Variants in RNF24 observed in about 807,000 individuals in gnomAD.
RNF24 encodes ring finger protein 24.
A neutral mutation model predicts 20.0 loss-of-function variants in RNF24; 14 were observed. The ratio of observed to expected loss-of-function variants is 0.70; its 90% CI spans 0.46 to 1.10. The LOEUF (loss-of-function observed/expected upper bound fraction) is 1.10. Among genes scored for constraint, RNF24 ranks in the 50% least tolerant of loss-of-function variants. The pLI, the probability that RNF24 is intolerant of heterozygous loss-of-function variation, is 0.00. For missense variants in RNF24, 124 were observed against 177.6 expected, an observed-to-expected ratio of 0.70 and a Z score of 1.71; for synonymous variants, 45 against 61.1, an observed-to-expected ratio of 0.74 and a Z score of 1.23.
chr20:3,930,142 T>C lies in RNF24; in HGVS notation c.*3921A>G, dbSNP rs1435365929. 1 of 152,228 alleles carries C rather than the reference T, an allele frequency of 6.6e-6. No homozygotes were observed. The highest frequency in any genetic ancestry group is 1.5e-5 in the Non-Finnish European group (1 of 68,044). 9.4% of individuals were successfully genotyped at this position (152,228 alleles called of 1,614,324 possible). On this transcript the variant is annotated 3_prime_UTR_variant, in exon 6 of 6. Coordinates refer to ENST00000358395, the MANE Select transcript of RNF24 (RefSeq NM_001134337.3). ...AGTGAGGAGCGGAGCTTGCTAGGCA[T>C]CAGGAACTCAAGAAAGGCTTTTAAC...
intron 4 of RNF24, among the ~76,000 whole-genome samples, chr20:3,935,986 T>G (rs2090886688): frequency 6.6e-6 from 1 of 152,238 alleles, no homozygotes; most frequent in African/African-American, 2.4e-5. Context: ...GGATCCTGGT[T>G]CAGGCCATCA....
At chr20:3,985,134 A>G (rs1266783253) in intron 1 of RNF24, among the ~76,000 whole-genome samples, 2 of 152,184 alleles carry the variant, frequency 1.3e-5, no homozygotes, top group Non-Finnish European at 2.9e-5. Context: ...GGATCTTTCC[A>G]TTTAGCCTTA....
At chr20:4,005,513 G>A (rs1055001303) in intron 1 of RNF24, among the ~76,000 whole-genome samples, 2 of 152,122 alleles carry the variant, frequency 1.3e-5, no homozygotes, top group African/African-American at 4.8e-5. Context: ...ATGAATGAAA[G>A]CCTACACCTT....
rs1430338504 is a variant in RNF24 at position 4,007,837 on chromosome 20, GC to G, written c.-8+7599del. 3.3e-5 allele frequency among the ~76,000 whole-genome samples: 5 copies of G among 151,754 alleles called. No homozygotes were observed. In the South Asian group the frequency reaches 1.0e-3, roughly 32 times the overall value. On this transcript the variant is annotated intron_variant, in intron 1 of 5. Coordinates refer to ENST00000358395, the MANE Select transcript of RNF24 (RefSeq NM_001134337.3). ...AGGTTGAGGTGGGAGGATTGTTTGA[GC>G]CCTGGAGGTTAAGGCTGCAGTGAGT...
intron 1 of RNF24, among the ~76,000 whole-genome samples, chr20:3,977,867 A>AAG (rs1328792171): frequency 6.6e-6 from 1 of 150,890 alleles, no homozygotes; most frequent in African/African-American, 2.4e-5. Context: ...CCGTCTCAAA[A>AAG]AAAAAAAAAA....
At position 3,932,893 on chromosome 20, in the gene RNF24, TAA is replaced by T; in HGVS notation, c.*1168_*1169del. The T allele has an allele frequency of 2.5e-6, 1 of 398,600 alleles. No homozygotes were observed. The highest frequency in any genetic ancestry group is 4.4e-6 in the Non-Finnish European group (1 of 226,064). 24.7% of individuals were successfully genotyped at this position (398,600 alleles called of 1,614,324 possible). A position where few individuals can be genotyped will look rare whatever the true frequency, so the allele number is the denominator to read the frequency against. On this transcript the variant is annotated 3_prime_UTR_variant, in exon 6 of 6. Coordinates refer to ENST00000358395, the MANE Select transcript of RNF24 (RefSeq NM_001134337.3). Reference sequence around the variant, plus strand: ...AAGAGCAGCATGCGTTTCTCTCCTATAAAGACACTTTCACTTTCAGTTTCGGA... The same window carrying T: ...AAGAGCAGCATGCGTTTCTCTCCTATAGACACTTTCACTTTCAGTTTCGGA...
Position 3,933,982 on chromosome 20 carries a change from G to A in RNF24, c.*81C>T. 7.7e-7 allele frequency: 1 copy of A among 1,297,310 alleles called. No homozygotes were observed. Among genetic ancestry groups the A allele is most frequent in the Non-Finnish European group, 1.0e-6 (1 of 992,968 alleles). The allele number at this position is 1,297,310 out of a possible 1,614,324, so 80.4% of individuals were successfully genotyped here. A position where few individuals can be genotyped will look rare whatever the true frequency, so the allele number is the denominator to read the frequency against. Reference sequence around the variant, plus strand: ...TGGCAGCTGGTGTCCTAGGTAGAGAGCAGCCATACAGACACCACATGTGTT... The same window carrying A: ...TGGCAGCTGGTGTCCTAGGTAGAGAACAGCCATACAGACACCACATGTGTT... On this transcript the variant is annotated 3_prime_UTR_variant, in exon 6 of 6. Coordinates refer to ENST00000358395, the MANE Select transcript of RNF24 (RefSeq NM_001134337.3).
chr20:4,003,633 C>CTTTTTT lies in RNF24; in HGVS notation c.-8+11798_-8+11803dup, dbSNP rs377227990. ...TTTTGAAGGCCCATGTTAGAAACTC[C>CTTTTTT]TTTTTTTTTTTTTTTTTTTTTTTTT... On this transcript the variant is annotated intron_variant, in intron 1 of 5. Transcript: ENST00000358395. Among the ~76,000 whole-genome samples, 26 of 84,430 alleles carry CTTTTTT rather than the reference C, an allele frequency of 3.1e-4. 4 individuals carry two copies. The highest frequency in any genetic ancestry group is 7.2e-4 in the African/African-American group (15 of 20,828). The allele number at this position is 84,430 out of a possible 152,430, so 55.4% of individuals were successfully genotyped here.
At chr20:3,947,761 G>C (rs1424175221) in intron 3 of RNF24, among the ~76,000 whole-genome samples, 1 of 152,132 alleles carries the variant, frequency 6.6e-6, no homozygotes. Context: ...CAAAAGAAGA[G>C]AAAAGCTGGG....
intron 2 of RNF24, among the ~76,000 whole-genome samples, chr20:3,952,152 GAA>G (rs59341739): frequency 2.2e-5 from 3 of 133,624 alleles, no homozygotes; most frequent in South Asian, 2.4e-4. Context: ...ATTTCCACCA[GAA>G]AAAAAAAAAA....
chr20:3,962,217 G>T (rs903726707), intron 2 of RNF24, among the ~76,000 whole-genome samples: 3 of 152,110 alleles, frequency 2.0e-5, no homozygotes, highest in Non-Finnish European at 4.4e-5. Context: ...TTGGCCAGGT[G>T]TGGTGGCAGG....
chr20:3,953,496 G>A (rs2091106238), intron 2 of RNF24, among the ~76,000 whole-genome samples: 1 of 138,866 alleles, frequency 7.2e-6, no homozygotes, highest in Non-Finnish European at 1.5e-5. Flanking sequence ...ACGGAGTCTT[G>A]CTCTGTTGCC....
chr20:3,982,525 C>A (rs575925618), intron 1 of RNF24, among the ~76,000 whole-genome samples: 4 of 143,042 alleles, frequency 2.8e-5, no homozygotes, highest in African/African-American at 1.0e-4. Flanking sequence ...TGCAGTGAGC[C>A]GAGATCGTGC....
In RNF24 at chr20:3,931,018, AGAT is replaced by A. The variant is rs998798651; in HGVS notation, c.*3042_*3044del. Reference sequence around the variant, plus strand: ...ATCACACGTGGCAAAGAAAAGCAGCAGATGTCAACTTCCTAGTGTCTGATACTG... The same window carrying A: ...ATCACACGTGGCAAAGAAAAGCAGCAGTCAACTTCCTAGTGTCTGATACTG... On this transcript the variant is annotated 3_prime_UTR_variant, in exon 6 of 6. Coordinates refer to ENST00000358395, the MANE Select transcript of RNF24 (RefSeq NM_001134337.3). 1 of 152,290 alleles carries A rather than the reference AGAT, an allele frequency of 6.6e-6. No homozygotes were observed. Among genetic ancestry groups the A allele is most frequent in the Non-Finnish European group, 1.5e-5 (1 of 68,098 alleles). The allele number at this position is 152,290 out of a possible 1,614,324, so 9.4% of individuals were successfully genotyped here.
At chr20:3,952,948 G>A (rs1236662393) in intron 2 of RNF24, among the ~76,000 whole-genome samples, 2 of 151,972 alleles carry the variant, frequency 1.3e-5, no homozygotes, top group African/African-American at 4.8e-5. Context: ...GAAAAGGATC[G>A]GTCTATAATT....
chr20:3,959,033 C>T (rs1404595950), intron 2 of RNF24, among the ~76,000 whole-genome samples: 2 of 152,244 alleles, frequency 1.3e-5, no homozygotes, highest in East Asian at 3.9e-4. Flanking sequence ...CTGCCCTGGG[C>T]CCATTTTATT....
intron 1 of RNF24, among the ~76,000 whole-genome samples, chr20:4,013,873 T>C (rs1433539202): frequency 6.6e-6 from 1 of 152,238 alleles, no homozygotes; most frequent in Admixed American, 6.5e-5. Context: ...AAAAAGAAAC[T>C]GAAAATCATC....
intron 1 of RNF24, among the ~76,000 whole-genome samples, chr20:3,967,169 TTAA>T (rs2091267215): frequency 6.6e-6 from 1 of 152,222 alleles, no homozygotes; most frequent in African/African-American, 2.4e-5. Flanking sequence ...ACCAGAAGTA[TTAA>T]TCTTTTAAAA....
At chr20:3,998,394 G>A (rs369165546) in intron 1 of RNF24, among the ~76,000 whole-genome samples, 1 of 151,802 alleles carries the variant, frequency 6.6e-6, no homozygotes, top group African/African-American at 2.4e-5. Flanking sequence ...GACCAGTATG[G>A]TGAAACCCCG....
Sources: allele counts gnomAD v4.1 joint callset (sites outside exome capture counted in the v4.1 genomes callset), GRCh38; gene constraint gnomAD v4.1.1; transcripts MANE v1.5; gene names NCBI Gene and HGNC (gene_info 2026-07-23, HGNC 2026-07-21).